ERAP1: variants seen among roughly 807,000 people sequenced by gnomAD.
The protein encoded by ERAP1 is endoplasmic reticulum aminopeptidase 1.
In ERAP1, 86 loss-of-function variants were observed where a neutral mutation model predicts 103.7. That is an observed-to-expected ratio of 0.83 (90% CI 0.70 to 0.99). The LOEUF (loss-of-function observed/expected upper bound fraction) is 0.99. Ranked by LOEUF, ERAP1 falls within the 50% of genes least tolerant of loss-of-function variation. The pLI is 0.00. For synonymous variants in ERAP1, 398 were observed against 402.4 expected, an observed-to-expected ratio of 0.99 and a Z score of 0.13; for missense variants, 1,009 against 1,128.4, an observed-to-expected ratio of 0.89 and a Z score of 1.52.
At chr5:96,922,327 G>A in the ERAP1 span, among the ~76,000 whole-genome samples, 1 of 152,032 alleles carries the variant, frequency 6.6e-6, no homozygotes, top group Non-Finnish European at 1.5e-5. Context: ...AAAAAAAACT[G>A]TTTTCTAGTC....
chr5:96,818,893 C>CATTTATGTATGTATTT, the ERAP1 span, among the ~76,000 whole-genome samples: 1 of 141,762 alleles, frequency 7.1e-6, no homozygotes, highest in Non-Finnish European at 1.5e-5. Context: ...ACCTGAACTG[C>CATTTATGTATGTATTT]ATTTATTTAT....
At chr5:96,925,919 T>A in the ERAP1 span, among the ~76,000 whole-genome samples, 1 of 147,764 alleles carries the variant, frequency 6.8e-6, no homozygotes, top group Admixed American at 6.7e-5. Flanking sequence ...TGCTTTTTTT[T>A]TTTTTTTTTT....
At chr5:96,814,547 A>G in the ERAP1 span, among the ~76,000 whole-genome samples, 1 of 152,236 alleles carries the variant, frequency 6.6e-6, no homozygotes, top group African/African-American at 2.4e-5. Context: ...TCTAGAGACT[A>G]GAAAGATTTG....
chr5:96,825,682 C>T, the ERAP1 span, among the ~76,000 whole-genome samples: 1 of 152,162 alleles, frequency 6.6e-6, no homozygotes, highest in African/African-American at 2.4e-5. Context: ...TTCAATAGTT[C>T]ACTATAATCT....
chr5:96,845,962 G>C, the ERAP1 span, among the ~76,000 whole-genome samples: 2 of 152,108 alleles, frequency 1.3e-5, no homozygotes, highest in African/African-American at 2.4e-5. Flanking sequence ...GCATACAATA[G>C]GGCATAATTT....
the ERAP1 span, among the ~76,000 whole-genome samples, chr5:96,886,336 A>C: frequency 2.0e-5 from 3 of 152,276 alleles, no homozygotes; most frequent in African/African-American, 7.2e-5. Context: ...AATTGATGCC[A>C]GTGTTGGAAA....
chr5:96,796,868 T>C (rs1458127895), intron 4 of ERAP1, among the ~76,000 whole-genome samples: 3 of 152,154 alleles, frequency 2.0e-5, no homozygotes, highest in Admixed American at 6.5e-5. Context: ...TCATACCTCA[T>C]TGAAGCCTCA....
chr5:96,924,647 C>T, the ERAP1 span, among the ~76,000 whole-genome samples: 2 of 150,518 alleles, frequency 1.3e-5, no homozygotes, highest in South Asian at 2.1e-4. Flanking sequence ...AGGCTGGGAG[C>T]GATGCAATGG....
chr5:96,924,908 C>A, the ERAP1 span, among the ~76,000 whole-genome samples: 2 of 151,954 alleles, frequency 1.3e-5, no homozygotes, highest in Non-Finnish European at 2.9e-5. Context: ...CACATCATTT[C>A]AAAAAATGTT....
chr5:96,895,364 G>C, the ERAP1 span: 8 of 1,569,924 alleles, frequency 5.1e-6, no homozygotes, highest in Admixed American at 1.3e-4. Flanking sequence ...CAATTTGTAA[G>C]TTCACAATTC....
intron 14 of ERAP1, among the ~76,000 whole-genome samples, chr5:96,783,706 G>A (rs1392018684): frequency 6.6e-6 from 1 of 151,388 alleles, no homozygotes; most frequent in African/African-American, 2.4e-5. Flanking sequence ...AAATTAAATA[G>A]AGTCTAAGAA....
chr5:96,819,522 T>TGA, the ERAP1 span, among the ~76,000 whole-genome samples: 6 of 152,074 alleles, frequency 3.9e-5, no homozygotes, highest in Non-Finnish European at 7.4e-5. Flanking sequence ...TGTGTGTGTG[T>TGA]GAGAGAGAGA....
intron 17 of ERAP1, 54 bp from the exon 18 acceptor site, chr5:96,780,558 A>C: frequency 7.2e-7 from 1 of 1,380,166 alleles, no homozygotes. Context: ...CATTTAACAT[A>C]TATTTTAAGG....
chr5:96,887,350 G>A, the ERAP1 span, among the ~76,000 whole-genome samples: 1 of 150,378 alleles, frequency 6.6e-6, no homozygotes, highest in Non-Finnish European at 1.5e-5. Context: ...GGCCAGGCTG[G>A]AGTGCAATGA....
chr5:96,821,601 G>A, the ERAP1 span, among the ~76,000 whole-genome samples: 2 of 152,214 alleles, frequency 1.3e-5, no homozygotes, highest in East Asian at 1.9e-4. Context: ...GACCTAGAAG[G>A]AGCACCAACA....
the ERAP1 span, among the ~76,000 whole-genome samples, chr5:96,838,310 C>T: frequency 2.0e-5 from 3 of 152,124 alleles, no homozygotes; most frequent in African/African-American, 7.2e-5. Flanking sequence ...AGGCTGGGTA[C>T]CTCTGAGGTG....
At chr5:96,814,752 G>A in the ERAP1 span, among the ~76,000 whole-genome samples, 5 of 152,146 alleles carry the variant, frequency 3.3e-5, no homozygotes, top group Non-Finnish European at 7.4e-5. Flanking sequence ...TTTGAACATC[G>A]GTGAAGAAGA....
the ERAP1 span, chr5:96,873,794 G>A: frequency 5.0e-6 from 1 of 200,026 alleles, no homozygotes; most frequent in East Asian, 1.3e-4. Flanking sequence ...GCACTCAGCA[G>A]TTAGAGGGCA....
At chr5:96,808,359 C>T (rs1340351296), upstream of ERAP1, among the ~76,000 whole-genome samples, 2 of 150,868 alleles carry the variant, frequency 1.3e-5, no homozygotes, top group East Asian at 3.9e-4. Context: ...AGTTGGGGAC[C>T]GAAGCCAGGC....
Sources: allele counts gnomAD v4.1 joint callset (sites outside exome capture counted in the v4.1 genomes callset), GRCh38; gene constraint gnomAD v4.1.1; transcripts MANE v1.5; gene names NCBI Gene and HGNC (gene_info 2026-07-23, HGNC 2026-07-21).